The following ATL1 variants were observed in gnomAD, a reference collection of about 807,000 sequenced individuals.
The protein encoded by ATL1 is atlastin GTPase 1, also known as atlastin-1.
Under a neutral mutation model 75.5 loss-of-function variants are expected in ATL1, and 31 were observed. That is an observed-to-expected ratio of 0.41 (90% CI 0.31 to 0.55). The LOEUF (loss-of-function observed/expected upper bound fraction) is 0.55. Among genes scored for constraint, ATL1 ranks in the 20% least tolerant of loss-of-function variants. ATL1 has a pLI of 0.27. For missense variants in ATL1, 405 were observed against 662.6 expected (o/e 0.61, Z 4.27); for synonymous variants, 226 against 233.3 (o/e 0.97, Z 0.28).
At chr14:50,629,600 A>AC (rs35426706) in intron 12 of ATL1, among the ~76,000 whole-genome samples, 87 of 151,314 alleles carry the variant, frequency 5.7e-4, no homozygotes, top group African/African-American at 2.0e-3. Flanking sequence ...AAAAAAAAAA[A>AC]CCCTACTTAT....
At chr14:50,586,207 G>C (rs2039100300) in intron 1 of ATL1, among the ~76,000 whole-genome samples, 1 of 152,136 alleles carries the variant, frequency 6.6e-6, no homozygotes, top group South Asian at 2.1e-4. Context: ...TAAGAGTCCA[G>C]TTTGTTTCAA....
chr14:50,616,843 C>T (rs1489092997), intron 8 of ATL1, among the ~76,000 whole-genome samples: 3 of 152,136 alleles, frequency 2.0e-5, no homozygotes, highest in South Asian at 2.1e-4. Flanking sequence ...ACTTTGCCTC[C>T]GTGTTTCTTT....
chr14:50,556,157 T>C (rs1407747528), upstream of ATL1, among the ~76,000 whole-genome samples: 3 of 152,220 alleles, frequency 2.0e-5, no homozygotes, highest in Non-Finnish European at 4.4e-5. Context: ...TTAAAAACAT[T>C]TGTATTTTAA....
intron 1 of ATL1, among the ~76,000 whole-genome samples, chr14:50,536,029 C>T (rs1237106871): frequency 6.6e-6 from 1 of 152,242 alleles, no homozygotes; most frequent in Non-Finnish European, 1.5e-5. Context: ...CTCTTCCTTG[C>T]CCTCTGCCAT....
chr14:50,588,601 A>T lies in ATL1; in HGVS notation c.282+523A>T, dbSNP rs139744882. ...TATTCTTTGATGCATTTGAAAATAA[A>T]TTGCTGGCCGGGCACTGTGGCTCAC... On this transcript the variant is annotated intron_variant, in intron 2 of 13. Transcript: ENST00000358385. Among the ~76,000 whole-genome samples the T allele has an allele frequency of 1.2e-3, 180 of 152,244 alleles. 2 individuals carry two copies. The East Asian group carries it at 0.032, about 27-fold the overall frequency.
intron 6 of ATL1, among the ~76,000 whole-genome samples, chr14:50,602,675 C>T (rs927408342): frequency 6.6e-6 from 1 of 151,938 alleles, no homozygotes. Flanking sequence ...GTTCCTGAGC[C>T]TTGGTTCCTT....
intron 1 of ATL1, among the ~76,000 whole-genome samples, chr14:50,544,667 C>T (rs1431528669): frequency 1.3e-5 from 2 of 152,074 alleles, no homozygotes; most frequent in Non-Finnish European, 1.5e-5. Flanking sequence ...GCGATGGTGG[C>T]TCACACTTGT....
At chr14:50,611,154 G>C (rs1404619332) in intron 6 of ATL1, among the ~76,000 whole-genome samples, 1 of 152,098 alleles carries the variant, frequency 6.6e-6, no homozygotes, top group Non-Finnish European at 1.5e-5. Context: ...ACTGTTCAGA[G>C]AGAGAAAGAG....
chr14:50,555,413 C>T (rs562996578), upstream of ATL1, among the ~76,000 whole-genome samples: 5 of 152,328 alleles, frequency 3.3e-5, no homozygotes, highest in Non-Finnish European at 4.4e-5. Context: ...TCCTGAGTAG[C>T]TGGGACTACA....
intron 1 of ATL1, among the ~76,000 whole-genome samples, chr14:50,570,572 C>T (rs979440686): frequency 1.3e-5 from 2 of 151,964 alleles, no homozygotes; most frequent in African/African-American, 4.8e-5. Flanking sequence ...TTTTAGGTTT[C>T]CTGTCTTTTT....
chr14:50,623,211 C>T lies in ATL1; in HGVS notation c.1082C>T (p.Ala361Val). ...GAAGCTAACAATTTAGCAGCCGTGG[C>T]AACTGCCAAGGACACATACAACAAA... is the stretch of plus-strand genomic sequence containing the variant. ...TAEANNLAAV[A>V]TAKDTYNKKM... The change falls in exon 11 of 14, where the codon GCA (alanine) becomes GTA (valine). Residue 361 changes from alanine (A) to valine (V), a missense_variant. Physicochemically the swap from Ala to Val is moderately conservative, Grantham distance 64. Transcript: ENST00000358385. 1 of 1,613,912 alleles carries T rather than the reference C, an allele frequency of 6.2e-7. No homozygotes were observed. Among genetic ancestry groups the T allele is most frequent in the Non-Finnish European group, 8.5e-7 (1 of 1,179,908 alleles).
At chr14:50,623,871 T>G (rs1454075713) in intron 11 of ATL1, among the ~76,000 whole-genome samples, 1 of 151,698 alleles carries the variant, frequency 6.6e-6, no homozygotes, top group Non-Finnish European at 1.5e-5. Flanking sequence ...GCCAACATGG[T>G]GAAACCCTCT....
intron 11 of ATL1, among the ~76,000 whole-genome samples, chr14:50,623,492 TG>T (rs2039487463): frequency 6.6e-6 from 1 of 152,124 alleles, no homozygotes; most frequent in East Asian, 1.9e-4. Flanking sequence ...TTCACATATT[TG>T]GGGGGAGCGC....
chr14:50,624,901 C>T (rs1466405001), intron 11 of ATL1, among the ~76,000 whole-genome samples: 1 of 151,862 alleles, frequency 6.6e-6, no homozygotes, highest in East Asian at 1.9e-4. Flanking sequence ...GAAACCCTGT[C>T]TCTACTAAAA....
At chr14:50,587,224 A>T (rs1034079949) in intron 1 of ATL1, among the ~76,000 whole-genome samples, 1 of 132,012 alleles carries the variant, frequency 7.6e-6, no homozygotes, top group African/African-American at 2.5e-5. Flanking sequence ...CCAAAAGTAG[A>T]GTGCTTTGCT....
At chr14:50,567,066 T>A (rs975959580) in intron 1 of ATL1, among the ~76,000 whole-genome samples, 1 of 152,194 alleles carries the variant, frequency 6.6e-6, no homozygotes, top group Non-Finnish European at 1.5e-5. Flanking sequence ...ATCACCACTG[T>A]CTATCTCCCG....
chr14:50,607,940 T>C (rs2039330317), intron 6 of ATL1, among the ~76,000 whole-genome samples: 1 of 152,118 alleles, frequency 6.6e-6, no homozygotes, highest in South Asian at 2.1e-4. Flanking sequence ...AGTTTTTCAC[T>C]GTTACCAAGT....
At chr14:50,587,574 G>A (rs755014488) in intron 1 of ATL1, among the ~76,000 whole-genome samples, 2 of 150,060 alleles carry the variant, frequency 1.3e-5, no homozygotes, top group Non-Finnish European at 3.0e-5. Flanking sequence ...CACACCTGAC[G>A]AATTTTAAAA....
At chr14:50,594,352 G>A (rs1185629567) in intron 5 of ATL1, among the ~76,000 whole-genome samples, 1 of 152,122 alleles carries the variant, frequency 6.6e-6, no homozygotes, top group Non-Finnish European at 1.5e-5. Context: ...GGATTATGGG[G>A]ATTACAATTT....
Sources: allele counts gnomAD v4.1 joint callset (sites outside exome capture counted in the v4.1 genomes callset), GRCh38; gene constraint gnomAD v4.1.1; transcripts MANE v1.5; gene names NCBI Gene and HGNC (gene_info 2026-07-23, HGNC 2026-07-21).